USP30: variants seen among roughly 807,000 people sequenced by gnomAD.
USP30 encodes ubiquitin specific peptidase 30, also known as ubiquitin carboxyl-terminal hydrolase 30.
A neutral mutation model predicts 68.2 loss-of-function variants in USP30; 41 were observed. The ratio of observed to expected loss-of-function variants is 0.60; its 90% CI spans 0.47 to 0.78. The LOEUF (loss-of-function observed/expected upper bound fraction) is 0.78, where lower values mean the gene tolerates loss of function less well. USP30 is among the 30% of genes least tolerant of loss of function. The pLI is 0.00. For missense variants in USP30, 522 were observed against 649.4 expected (o/e 0.80, Z 2.13); for synonymous variants, 229 against 253.7 (o/e 0.90, Z 0.93).
At chr12:109,027,299 G>T (rs1229825079) in intron 2 of USP30, among the ~76,000 whole-genome samples, 3 of 151,978 alleles carry the variant, frequency 2.0e-5, no homozygotes, top group Admixed American at 6.6e-5. Flanking sequence ...ATTTTTTAGA[G>T]ACAGGGTCTC....
chr12:109,040,258 A>G (rs1442000071), intron 3 of USP30, among the ~76,000 whole-genome samples: 1 of 152,144 alleles, frequency 6.6e-6, no homozygotes, highest in East Asian at 1.9e-4. Flanking sequence ...TGATTAGAGA[A>G]ACTATTAGGG....
In USP30 at chr12:109,087,603, A is replaced by G. The variant is rs965328364; in HGVS notation, c.*1672A>G. 11 of 152,310 alleles carry G rather than the reference A, an allele frequency of 7.2e-5. No homozygotes were observed. The highest frequency in any genetic ancestry group is 2.7e-4 in the African/African-American group (11 of 41,466). 9.4% of individuals were successfully genotyped at this position (152,310 alleles called of 1,614,324 possible). ...AGTCTGGTGGAACAAATGCCCAATCATGTGACCTTAAAGTGTACTGCAAAG... is the reference window on the plus strand; with the variant it reads ...AGTCTGGTGGAACAAATGCCCAATCGTGTGACCTTAAAGTGTACTGCAAAG... On this transcript the variant is annotated 3_prime_UTR_variant, in exon 13 of 13. Coordinates refer to ENST00000257548, the MANE Select transcript of USP30 (RefSeq NM_032663.5).
intron 3 of USP30, among the ~76,000 whole-genome samples, chr12:109,041,233 T>C (rs2040562255): frequency 6.6e-6 from 1 of 152,210 alleles, no homozygotes; most frequent in Non-Finnish European, 1.5e-5. Flanking sequence ...TTCAGGCAAA[T>C]GCAATTCTTG....
chr12:109,053,249 C>A (rs1187034556), intron 1 of USP30, among the ~76,000 whole-genome samples: 1 of 152,172 alleles, frequency 6.6e-6, no homozygotes, highest in Non-Finnish European at 1.5e-5. Flanking sequence ...TTAGTACCGC[C>A]CCCTATTCCT....
At chr12:109,073,781 C>T (rs1166391075) in intron 7 of USP30, among the ~76,000 whole-genome samples, 1 of 152,128 alleles carries the variant, frequency 6.6e-6, no homozygotes, top group African/African-American at 2.4e-5. Flanking sequence ...GTGGTTGAGT[C>T]TATGCTCATG....
At chr12:109,024,122 A>C (rs943908587) in intron 1 of USP30, among the ~76,000 whole-genome samples, 2 of 152,156 alleles carry the variant, frequency 1.3e-5, no homozygotes, top group Admixed American at 6.6e-5. Flanking sequence ...GCATTTCCTC[A>C]TCAGAAATAC....
chr12:109,088,013 T>C lies in USP30; in HGVS notation c.*2082T>C. The C allele has an allele frequency of 4.0e-6, 2 of 497,368 alleles. No individual in the cohort carries two copies. Among genetic ancestry groups the C allele is most frequent in the Non-Finnish European group, 7.0e-6 (2 of 285,518 alleles). The allele number at this position is 497,368 out of a possible 1,614,324, so 30.8% of individuals were successfully genotyped here. ...TTATAGCAATAAAATAATCATTTTGTTAGAAAAAAATCACCTGGTGTTCTT... is the reference window on the plus strand; with the variant it reads ...TTATAGCAATAAAATAATCATTTTGCTAGAAAAAAATCACCTGGTGTTCTT... On this transcript the variant is annotated 3_prime_UTR_variant, in exon 13 of 13. Coordinates refer to ENST00000257548, the MANE Select transcript of USP30 (RefSeq NM_032663.5). The surrounding 1 kb of genome is among the most constrained non-coding windows in gnomAD (Gnocchi z 4.2).
intron 7 of USP30, among the ~76,000 whole-genome samples, 171 bp from the exon 8 acceptor site, chr12:109,081,163 C>T (rs1236691713): frequency 6.6e-6 from 1 of 152,114 alleles, no homozygotes; most frequent in Non-Finnish European, 1.5e-5. Context: ...CTTATGTGTA[C>T]AAGGTTGTTT....
intron 11 of USP30, among the ~76,000 whole-genome samples, chr12:109,083,581 A>C (rs2041867114): frequency 6.6e-6 from 1 of 152,120 alleles, no homozygotes; most frequent in Non-Finnish European, 1.5e-5. Context: ...AAGAACATGG[A>C]GGCTCCACGG....
chr12:109,072,683 A>C (rs2041483034), intron 6 of USP30, among the ~76,000 whole-genome samples: 1 of 152,308 alleles, frequency 6.6e-6, no homozygotes, highest in African/African-American at 2.4e-5. Context: ...ATTCTATTGC[A>C]TATTACCACA....
Position 109,081,353 on chromosome 12 carries a change from C to A in USP30, c.740C>A (p.Thr247Asn). 1 of 1,614,072 alleles carries A rather than the reference C, an allele frequency of 6.2e-7. No individual in the cohort carries two copies. Among genetic ancestry groups the A allele is most frequent in the Non-Finnish European group, 8.5e-7 (1 of 1,180,026 alleles). The change falls in exon 8 of 13, where the codon ACC becomes AAC. Residue 247 changes from threonine to asparagine, a missense_variant. Coordinates refer to ENST00000257548, the MANE Select transcript of USP30 (RefSeq NM_032663.5). Reference protein sequence around the residue: ...CEHQSPVRFDTFDSLSLSIPA... With the variant: ...CEHQSPVRFDNFDSLSLSIPA... ...TTTCAGAGTCCTGTTCGATTTGATA[C>A]CTTTGATAGCCTTTCACTAAGTATT...
At chr12:109,047,438 A>C (rs1002468573) in intron 3 of USP30, among the ~76,000 whole-genome samples, 1 of 152,304 alleles carries the variant, frequency 6.6e-6, no homozygotes. Context: ...GACATTTATT[A>C]TTGTTTTGTT....
chr12:109,068,084 C>T (rs1409740089), intron 4 of USP30, among the ~76,000 whole-genome samples: 2 of 152,162 alleles, frequency 1.3e-5, no homozygotes, highest in East Asian at 1.9e-4. Flanking sequence ...ATTTCAAGGC[C>T]GTATTCAGTC....
In USP30 at chr12:109,087,030, G is replaced by A. The variant is rs1038000987; in HGVS notation, c.*1099G>A. 2 of 151,796 alleles carry A rather than the reference G, an allele frequency of 1.3e-5. No individual in the cohort carries two copies. The highest frequency in any genetic ancestry group is 2.9e-5 in the Non-Finnish European group (2 of 67,948). 9.4% of individuals were successfully genotyped at this position (151,796 alleles called of 1,614,324 possible). A position where few individuals can be genotyped will look rare whatever the true frequency, so the allele number is the denominator to read the frequency against. ...TTTAAAAAACATATAACTACAGCTG[G>A]CATCTAGTATTGTCATGTTGCTCTA... On this transcript the variant is annotated 3_prime_UTR_variant, in exon 13 of 13. Coordinates refer to ENST00000257548, the MANE Select transcript of USP30 (RefSeq NM_032663.5).
At chr12:109,066,913 A>G (rs1266744654) in intron 3 of USP30, among the ~76,000 whole-genome samples, 1 of 152,082 alleles carries the variant, frequency 6.6e-6, no homozygotes, top group African/African-American at 2.4e-5. Context: ...CTCAATAAGA[A>G]CCTTGCAACA....
chr12:109,054,632 T>C (rs1401070750), intron 1 of USP30: 2 of 152,490 alleles, frequency 1.3e-5, no homozygotes, highest in Non-Finnish European at 1.5e-5. Flanking sequence ...TTTATTAAGT[T>C]CTTACTATGT....
At chr12:109,038,551 T>C (rs1371134986) in intron 3 of USP30, among the ~76,000 whole-genome samples, 3 of 152,184 alleles carry the variant, frequency 2.0e-5, no homozygotes, top group South Asian at 2.1e-4. Flanking sequence ...ATGAATGCTA[T>C]TTATTAAAAT....
At chr12:109,036,297 T>A (rs968103323) in intron 3 of USP30, among the ~76,000 whole-genome samples, 8 of 122,446 alleles carry the variant, frequency 6.5e-5, no homozygotes, top group South Asian at 2.4e-4. Flanking sequence ...CTTTTAGTAT[T>A]TCTTTCTTTC....
intron 3 of USP30, among the ~76,000 whole-genome samples, chr12:109,059,553 G>A (rs962957371): frequency 1.3e-5 from 2 of 151,296 alleles, no homozygotes; most frequent in Non-Finnish European, 1.5e-5. Flanking sequence ...TTGTTCTGTT[G>A]CCCAGGCTGG....
Sources: gnomAD v4.1 joint callset for allele counts (sites outside exome capture counted in the v4.1 genomes callset) on GRCh38, gnomAD v4.1.1 for gene constraint, Gnocchi (gnomAD v3.1) non-coding constraint, MANE v1.5 for transcripts, NCBI Gene and HGNC (gene_info 2026-07-23, HGNC 2026-07-21) for gene names.